Variants in DDX27 observed in about 807,000 individuals in gnomAD.
DDX27 encodes the protein probable ATP-dependent RNA helicase DDX27.
A neutral mutation model predicts 99.3 loss-of-function variants in DDX27; 42 were observed. That is an observed-to-expected ratio of 0.42 (90% CI 0.33 to 0.55). DDX27 has a LOEUF of 0.55. DDX27 is among the 20% of genes least tolerant of loss of function. The probability of loss-of-function intolerance (pLI) is 0.07; values close to 1 mark genes in which losing one functional copy is unlikely to be tolerated. For missense variants in DDX27, 798 were observed against 976.8 expected, an observed-to-expected ratio of 0.82 and a Z score of 2.44; for synonymous variants, 329 against 353.8, an observed-to-expected ratio of 0.93 and a Z score of 0.79.
intron 1 of DDX27, among the ~76,000 whole-genome samples, 162 bp from the exon 2 acceptor site, chr20:49,221,290 A>G (rs979125364): frequency 4.6e-5 from 7 of 152,124 alleles, no homozygotes; most frequent in Non-Finnish European, 8.8e-5. Flanking sequence ...ACTGCGTTTC[A>G]TCATGTTGGT....
intron 12 of DDX27, chr20:49,235,604 G>A (rs551834111): frequency 6.4e-6 from 1 of 156,898 alleles, no homozygotes; most frequent in South Asian, 2.0e-4. Flanking sequence ...GGTGCTGAAA[G>A]GTGTTTGTTA....
At chr20:49,227,132 G>C (rs1032543272) in intron 7 of DDX27, among the ~76,000 whole-genome samples, 7 of 151,988 alleles carry the variant, frequency 4.6e-5, no homozygotes, top group African/African-American at 1.7e-4. Context: ...AAAGTGCTGG[G>C]ATTACAGGCG....
At chr20:49,224,717 G>T in intron 4 of DDX27, 1 of 577,490 alleles carries the variant, frequency 1.7e-6, no homozygotes, top group Non-Finnish European at 3.1e-6. Context: ...ACAGTGTAGT[G>T]GTCGAGAGCC....
chr20:49,233,503 G>A, intron 10 of DDX27, 65 bp from the exon 11 acceptor site: 1 of 1,601,336 alleles, frequency 6.2e-7, no homozygotes, highest in Non-Finnish European at 8.5e-7. Context: ...CCTGGGGTGA[G>A]CACTGCTTCC....
chr20:49,232,973 T>G (rs1980174080), intron 9 of DDX27, among the ~76,000 whole-genome samples: 1 of 150,334 alleles, frequency 6.7e-6, no homozygotes, highest in Non-Finnish European at 1.5e-5. Flanking sequence ...GCTGAAGGAA[T>G]TTGAACGTGG....
At chr20:49,224,835 G>T (rs1012701742) in intron 4 of DDX27, 110 bp from the exon 5 acceptor site, 4 of 1,187,186 alleles carry the variant, frequency 3.4e-6, no homozygotes, top group Non-Finnish European at 4.9e-6. Flanking sequence ...GTTGACGATG[G>T]TCACCCCTCA....
intron 1 of DDX27, among the ~76,000 whole-genome samples, chr20:49,219,919 A>G (rs1174826170): frequency 6.6e-6 from 1 of 152,154 alleles, no homozygotes; most frequent in African/African-American, 2.4e-5. Flanking sequence ...TGTTTATTGA[A>G]TACTTAACGC....
chr20:49,240,916 A>G (rs1237444824), intron 16 of DDX27, among the ~76,000 whole-genome samples: 1 of 152,090 alleles, frequency 6.6e-6, no homozygotes, highest in Admixed American at 6.6e-5. Context: ...TGAGAGGCTG[A>G]GGTAGGAGGA....
In DDX27 at chr20:49,236,908, C is replaced by CT. The variant is rs1472345076; in HGVS notation, c.1687+405dup. On this transcript the variant is annotated intron_variant, in intron 14 of 20. Transcript: ENST00000618172. The surrounding 1 kb of genome is among the most constrained non-coding windows in gnomAD (Gnocchi z 4.1). ...TTATAAAGCACATCCTCTTTAAAGT[C>CT]TTTTTTTGTTTTGTTTTGTTCTTGA... 2.0e-5 allele frequency among the ~76,000 whole-genome samples: 3 copies of CT among 152,054 alleles called. No individual in the cohort carries two copies. The highest frequency in any genetic ancestry group is 4.4e-5 in the Non-Finnish European group (3 of 68,014).
At chr20:49,242,805 T>C (rs1247453840) in intron 19 of DDX27, 124 bp downstream of exon 19, 1 of 899,294 alleles carries the variant, frequency 1.1e-6, no homozygotes, top group Non-Finnish European at 1.7e-6. Flanking sequence ...CACTGCAAGC[T>C]CCACCTCCTG....
intron 6 of DDX27, 128 bp downstream of exon 6, chr20:49,225,327 C>T: frequency 1.2e-6 from 1 of 813,342 alleles, no homozygotes; most frequent in East Asian, 2.5e-5. Context: ...GGATTTGAGC[C>T]ACTGTGCCTG....
In DDX27 at chr20:49,242,076, C is replaced by A. The variant is rs768146273; in HGVS notation, c.1993-7C>A. 6.2e-7 allele frequency: 1 copy of A among 1,614,196 alleles called. No individual in the cohort carries two copies. The highest frequency in any genetic ancestry group is 8.5e-7 in the Non-Finnish European group (1 of 1,180,032). On this transcript the variant is annotated splice_polypyrimidine_tract_variant and splice_region_variant and intron_variant, in intron 17 of 20. Coordinates refer to ENST00000618172, the MANE Select transcript of DDX27 (RefSeq NM_017895.8). ...GTTCCACACTCACACCTCCCCACTC[C>A]CCCTAGGCAGAGGAAAGGTCTCAGT...
intron 19 of DDX27, 108 bp downstream of exon 19, chr20:49,242,789 T>C: frequency 9.5e-7 from 1 of 1,047,276 alleles, no homozygotes; most frequent in Non-Finnish European, 1.4e-6. Flanking sequence ...GTGGTGCATC[T>C]TAGCTCACTG....
chr20:49,236,047 TC>T lies in DDX27; in HGVS notation c.1428-99del. On this transcript the variant is annotated intron_variant, in intron 12 of 20. Transcript: ENST00000618172. The surrounding 1 kb of genome is among the most constrained non-coding windows in gnomAD (Gnocchi z 4.1). ...CGTGAGCCACCGTGCCCAGCCTCTA[TC>T]CCCATTTTAATGCCCTGTTCTGTCC... 8.8e-7 allele frequency: 1 copy of T among 1,140,442 alleles called. No individual in the cohort carries two copies. Among genetic ancestry groups the T allele is most frequent in the Non-Finnish European group, 1.3e-6 (1 of 799,460 alleles). The allele number at this position is 1,140,442 out of a possible 1,614,324, so 70.6% of individuals were successfully genotyped here. A position where few individuals can be genotyped will look rare whatever the true frequency, so the allele number is the denominator to read the frequency against.
chr20:49,223,795 C>T (rs183958955), intron 4 of DDX27, among the ~76,000 whole-genome samples: 330 of 152,198 alleles, frequency 2.2e-3, no homozygotes, highest in African/African-American at 7.7e-3. Flanking sequence ...GTACGAGAAT[C>T]ACTTGAAACT....
At chr20:49,231,323 G>A (rs1013889033) in intron 9 of DDX27, among the ~76,000 whole-genome samples, 2 of 152,142 alleles carry the variant, frequency 1.3e-5, no homozygotes, top group South Asian at 2.1e-4. Context: ...TATAGCAGGC[G>A]CTCAGTAAAT....
chr20:49,240,062 G>A (rs112977293), intron 16 of DDX27, among the ~76,000 whole-genome samples: 31 of 152,150 alleles, frequency 2.0e-4, no homozygotes, highest in Non-Finnish European at 4.1e-4. Flanking sequence ...GCTAGGGGAA[G>A]GGGGGTTATA....
At chr20:49,226,856 A>ATTTTTTTT (rs1568972767) in intron 7 of DDX27, among the ~76,000 whole-genome samples, 4 of 28,432 alleles carry the variant, frequency 1.4e-4, no homozygotes, top group Admixed American at 2.8e-4. Flanking sequence ...AGAGTAAAGG[A>ATTTTTTTT]CTTTTTTTTT....
At chr20:49,243,508 C>T (rs182792610) in intron 19 of DDX27, 121 bp from the exon 20 acceptor site, 2 of 828,316 alleles carry the variant, frequency 2.4e-6, no homozygotes. Flanking sequence ...GAACTTAGGG[C>T]CTGAAAATGA....
Sources: allele counts gnomAD v4.1 joint callset (sites outside exome capture counted in the v4.1 genomes callset), GRCh38; gene constraint gnomAD v4.1.1; non-coding constraint Gnocchi (gnomAD v3.1); transcripts MANE v1.5; gene names NCBI Gene and HGNC (gene_info 2026-07-23, HGNC 2026-07-21).